Variants in EPG5 observed in about 807,000 individuals in gnomAD.
The protein encoded by EPG5 is ectopic P-granules 5 autophagy tethering factor.
In EPG5, 159 loss-of-function variants were observed where a neutral mutation model predicts 302.7. The ratio of observed to expected loss-of-function variants is 0.53; its 90% CI spans 0.46 to 0.60. The LOEUF (loss-of-function observed/expected upper bound fraction) is 0.60. Among genes scored for constraint, EPG5 ranks in the 20% least tolerant of loss-of-function variants. EPG5 has a pLI of 0.00. For missense variants in EPG5, 2,896 were observed against 3,092.4 expected (o/e 0.94, Z 1.51); for synonymous variants, 1,158 against 1,136.8 (o/e 1.02, Z -0.37).
Position 45,955,246 on chromosome 18 carries a change from G to A in EPG5, c.156C>T (p.Ala52=). The A allele has an allele frequency of 1.2e-6, 2 of 1,614,184 alleles. No homozygotes were observed. Among genetic ancestry groups the A allele is most frequent in the Non-Finnish European group, 1.7e-6 (2 of 1,180,010 alleles). The change falls in exon 2 of 44, where the codon GCC becomes GCT. Residue 52 remains alanine, a synonymous_variant. Transcript: ENST00000282041. ...TSREQEIPSL[A]CEFKGDHLKV... ...TCAGATGGTCTCCTTTGAATTCACA[G>A]GCTAGAGAAGGGATTTCCTGCTCTC...
intron 13 of EPG5, among the ~76,000 whole-genome samples, chr18:45,928,064 C>T (rs2050316048): frequency 6.6e-6 from 1 of 151,940 alleles, no homozygotes; most frequent in African/African-American, 2.4e-5. Flanking sequence ...GGCATGGTGG[C>T]GGGCGCCTGT....
At chr18:45,943,950 T>A in intron 8 of EPG5, 55 bp downstream of exon 8, 1 of 1,120,386 alleles carries the variant, frequency 8.9e-7, no homozygotes, top group South Asian at 1.3e-5. Context: ...AATGCAGAGT[T>A]CCTGTGTTTA....
the EPG5 span, among the ~76,000 whole-genome samples, chr18:45,831,833 G>A: frequency 3.5e-4 from 54 of 152,118 alleles, no homozygotes; most frequent in South Asian, 0.01. Context: ...CGCCTCCCGG[G>A]TTCAAGCGGT....
At chr18:45,945,945 C>A (rs2050777823) in intron 7 of EPG5, among the ~76,000 whole-genome samples, 1 of 152,198 alleles carries the variant, frequency 6.6e-6, no homozygotes, top group African/African-American at 2.4e-5. Flanking sequence ...TGGCTGGACA[C>A]TTTCATCTCC....
At chr18:45,872,014 T>C (rs953417234) in intron 35 of EPG5, among the ~76,000 whole-genome samples, 2 of 152,218 alleles carry the variant, frequency 1.3e-5, no homozygotes, top group Non-Finnish European at 2.9e-5. Flanking sequence ...TGCCACACTG[T>C]AAATCACACT....
rs772966171 is a variant in EPG5 at position 45,929,071 on chromosome 18, CTT to C, written c.2413-64_2413-63del. On this transcript the variant is annotated intron_variant, in intron 12 of 43. Coordinates refer to ENST00000282041, the MANE Select transcript of EPG5 (RefSeq NM_020964.3). ...AATATCAATTAGCAGTCAAAACACA[CTT>C]ATATCATTTTTTCAAGCAAAGCAGA... is the stretch of plus-strand genomic sequence containing the variant. 658 of 1,486,554 alleles carry C rather than the reference CTT, an allele frequency of 4.4e-4. 1 individual carries two copies. Among genetic ancestry groups the C allele is most frequent in the Middle Eastern group, 1.8e-3 (10 of 5,696 alleles). 92.1% of individuals were successfully genotyped at this position (1,486,554 alleles called of 1,614,324 possible). A position where few individuals can be genotyped will look rare whatever the true frequency, so the allele number is the denominator to read the frequency against.
chr18:45,827,344 C>T, the EPG5 span, among the ~76,000 whole-genome samples: 1 of 151,954 alleles, frequency 6.6e-6, no homozygotes, highest in Non-Finnish European at 1.5e-5. Context: ...TTTGGCTGGG[C>T]CCCCCCACTA....
At chr18:45,961,337 C>T (rs1020734496) in intron 1 of EPG5, among the ~76,000 whole-genome samples, 32 of 152,176 alleles carry the variant, frequency 2.1e-4, no homozygotes, top group African/African-American at 5.8e-4. Flanking sequence ...CACGCAAGGC[C>T]CAACATGACC....
intron 11 of EPG5, among the ~76,000 whole-genome samples, chr18:45,932,788 A>G (rs915518540): frequency 6.6e-6 from 1 of 152,168 alleles, no homozygotes; most frequent in African/African-American, 2.4e-5. Context: ...GTGTCAGGTG[A>G]TACAGGCCCT....
chr18:45,878,264 T>C (rs1178078235), intron 34 of EPG5, 112 bp downstream of exon 34: 13 of 676,464 alleles, frequency 1.9e-5, no homozygotes, highest in South Asian at 3.6e-5. Flanking sequence ...AATTTAAATA[T>C]GGCCTTACAC....
chr18:45,873,376 G>A (rs2048910522), intron 35 of EPG5, among the ~76,000 whole-genome samples: 1 of 152,082 alleles, frequency 6.6e-6, no homozygotes. Flanking sequence ...CGGGTGTGGT[G>A]GCGGGCGCCT....
At chr18:45,916,379 T>C in intron 18 of EPG5, 59 bp downstream of exon 18, 1 of 1,587,366 alleles carries the variant, frequency 6.3e-7, no homozygotes, top group Non-Finnish European at 8.6e-7. Flanking sequence ...GTGCTAACGC[T>C]AGAGGTCTTG....
intron 10 of EPG5, among the ~76,000 whole-genome samples, chr18:45,937,482 C>T (rs1483721505): frequency 1.3e-5 from 2 of 152,090 alleles, no homozygotes; most frequent in African/African-American, 2.4e-5. Context: ...TCTCAGCTCA[C>T]CGCAACCTCC....
At chr18:45,822,064 A>C in the EPG5 span, among the ~76,000 whole-genome samples, 1 of 152,228 alleles carries the variant, frequency 6.6e-6, no homozygotes, top group African/African-American at 2.4e-5. Flanking sequence ...TATCCAAAGA[A>C]AAGAAACTCA....
intron 6 of EPG5, among the ~76,000 whole-genome samples, chr18:45,947,001 T>C (rs1267464175): frequency 6.6e-6 from 1 of 152,230 alleles, no homozygotes. Context: ...GCAGCTACAC[T>C]AGCACAGCTC....
At position 45,967,243 on chromosome 18, in the gene EPG5, C is replaced by G; in HGVS notation, c.-4G>C. 6.3e-7 allele frequency: 1 copy of G among 1,593,110 alleles called. No individual in the cohort carries two copies. The highest frequency in any genetic ancestry group is 8.5e-7 in the Non-Finnish European group (1 of 1,170,270). On this transcript the variant is annotated 5_prime_UTR_variant, in exon 1 of 44. Transcript: ENST00000282041. ...GGGGCTTCACCGCCTCGGCCATAGA[C>G]CCTTCCGCGGCGCCGTCACCGTTTG...
chr18:45,927,593 T>TATACACACACACAC (rs751518256), intron 13 of EPG5, among the ~76,000 whole-genome samples: 1 of 133,426 alleles, frequency 7.5e-6, no homozygotes, highest in African/African-American at 3.0e-5. Context: ...CAAAAAGTTA[T>TATACACACACACAC]ACACACACAC....
In EPG5 at chr18:45,884,599, G is replaced by A. The variant is rs534430922; in HGVS notation, c.5304+18C>T. 3 of 1,581,116 alleles carry A rather than the reference G, an allele frequency of 1.9e-6. No homozygotes were observed. Among genetic ancestry groups the A allele is most frequent in the Admixed American group, 3.8e-5 (2 of 52,660 alleles). Reference sequence around the variant, plus strand: ...TCCTACGTTTCAACAATATGGTGAGGATGGAATTACATCTTACCTTGGTTA... The same window carrying A: ...TCCTACGTTTCAACAATATGGTGAGAATGGAATTACATCTTACCTTGGTTA... On this transcript the variant is annotated intron_variant, in intron 30 of 43. Coordinates refer to ENST00000282041, the MANE Select transcript of EPG5 (RefSeq NM_020964.3).
At chr18:45,874,331 A>C (rs1490345125) in intron 35 of EPG5, among the ~76,000 whole-genome samples, 1 of 152,230 alleles carries the variant, frequency 6.6e-6, no homozygotes, top group East Asian at 1.9e-4. Context: ...TCTAAAAAAT[A>C]AAGTCCGTTA....
Sources: allele counts gnomAD v4.1 joint callset (sites outside exome capture counted in the v4.1 genomes callset), GRCh38; gene constraint gnomAD v4.1.1; transcripts MANE v1.5; gene names NCBI Gene and HGNC (gene_info 2026-07-23, HGNC 2026-07-21).